Variants in SPIDR observed in about 807,000 individuals in gnomAD.
SPIDR encodes the protein DNA repair-scaffolding protein.
Under a neutral mutation model 104.6 loss-of-function variants are expected in SPIDR, and 93 were observed. The ratio of observed to expected loss-of-function variants is 0.89; its 90% CI spans 0.75 to 1.06. The LOEUF is 1.06. SPIDR is among the 50% of genes least tolerant of loss of function. SPIDR has a pLI of 0.00. For missense variants in SPIDR, 1,154 were observed against 1,111.2 expected (o/e 1.04, Z -0.55); for synonymous variants, 431 against 416.9 (o/e 1.03, Z -0.41).
At position 47,728,937 on chromosome 8, in the gene SPIDR, G is replaced by T. The variant is rs200240864; in HGVS notation, c.2440G>T (p.Ala814Ser). 6.2e-7 allele frequency: 1 copy of T among 1,608,946 alleles called. No homozygotes were observed. The highest frequency in any genetic ancestry group is 1.1e-5 in the South Asian group (1 of 90,724). The stretch of plus-strand genomic sequence containing the variant: ...CCTTGGCTTTTCATATACCAGAGGC[G>T]CCTTTTCCTGTGGGGACTGCTCCCG... ...RLEQRPEDRG[A>S]FSCGDCSRVV... Residue 814 changes from alanine (A) to serine (S), a missense_variant, in exon 18 of 20, where the codon GCC becomes TCC. Physicochemically the swap from Ala to Ser is moderately conservative, Grantham distance 99. Transcript: ENST00000297423.
chr8:47,493,017 GA>G (rs1386153659), intron 8 of SPIDR, among the ~76,000 whole-genome samples: 574 of 10,178 alleles, frequency 0.056, 4 homozygotes, highest in South Asian at 0.25. Flanking sequence ...TGAGCCATTG[GA>G]GAGAGAGAGA....
intron 11 of SPIDR, among the ~76,000 whole-genome samples, chr8:47,697,314 A>G (rs1234569578): frequency 6.6e-6 from 1 of 152,032 alleles, no homozygotes; most frequent in African/African-American, 2.4e-5. Flanking sequence ...AAAGATAAAA[A>G]CAACACTTAT....
intron 8 of SPIDR, among the ~76,000 whole-genome samples, chr8:47,496,942 T>C (rs1001908780): frequency 3.9e-5 from 6 of 152,096 alleles, no homozygotes; most frequent in Non-Finnish European, 7.4e-5. Flanking sequence ...TGTGCCTTTC[T>C]AGAAGTTTGT....
At chr8:47,352,636 G>A (rs2053756485) in intron 5 of SPIDR, among the ~76,000 whole-genome samples, 1 of 152,088 alleles carries the variant, frequency 6.6e-6, no homozygotes, top group South Asian at 2.1e-4. Flanking sequence ...AGTATGAGGT[G>A]GTTGTGAACT....
At chr8:47,367,397 C>G (rs981677049) in intron 5 of SPIDR, among the ~76,000 whole-genome samples, 1 of 152,210 alleles carries the variant, frequency 6.6e-6, no homozygotes, top group Admixed American at 6.5e-5. Context: ...TTGATTTCAT[C>G]TTTGTGACAC....
At chr8:47,287,886 G>A (rs1471503242) in intron 3 of SPIDR, among the ~76,000 whole-genome samples, 1 of 152,146 alleles carries the variant, frequency 6.6e-6, no homozygotes, top group African/African-American at 2.4e-5. Context: ...AGAGAGTAAA[G>A]ACAGGCATAA....
chr8:47,557,549 T>G (rs769868398), intron 8 of SPIDR, among the ~76,000 whole-genome samples: 4 of 152,192 alleles, frequency 2.6e-5, no homozygotes, highest in Non-Finnish European at 5.9e-5. Flanking sequence ...TTTCTTATTT[T>G]TAAAAAACAT....
chr8:47,642,010 G>A (rs1457310135), intron 10 of SPIDR, among the ~76,000 whole-genome samples: 1 of 152,188 alleles, frequency 6.6e-6, no homozygotes, highest in Non-Finnish European at 1.5e-5. Flanking sequence ...TCCAGCCAGA[G>A]TGGACTCTGC....
chr8:47,596,004 C>T lies in SPIDR; in HGVS notation c.1291C>T (p.Gln431Ter). 6.8e-6 allele frequency: 11 copies of T among 1,609,258 alleles called. No individual in the cohort carries two copies. Among genetic ancestry groups the T allele is most frequent in the Non-Finnish European group, 9.3e-6 (11 of 1,178,264 alleles). ...KGLTNNSPEIQVVCSGVATTG... is the reference protein window; with the variant it reads ...KGLTNNSPEI ...TCTAACAAATAATTCACCTGAAATC[C>T]AGGTAAACTCCTATTGGCCTAAAGG... Residue 431 changes from glutamine to a stop codon, truncating the protein, a stop_gained and splice_region_variant, in exon 9 of 20, where the codon CAG (glutamine) becomes TAG (stop). Coordinates refer to ENST00000297423, the MANE Select transcript of SPIDR (RefSeq NM_001080394.4). LOFTEE classifies it high-confidence loss of function.
At chr8:47,595,663 C>A in intron 8 of SPIDR, 148 bp from the exon 9 acceptor site, 1 of 679,250 alleles carries the variant, frequency 1.5e-6, no homozygotes, top group Non-Finnish European at 2.5e-6. Context: ...CATGCTGGAG[C>A]ATGAAGGACA....
At chr8:47,700,324 A>T in intron 11 of SPIDR, 79 bp from the exon 12 acceptor site, 1 of 1,417,090 alleles carries the variant, frequency 7.1e-7, no homozygotes, top group Non-Finnish European at 1.0e-6. Flanking sequence ...AGAGTCTGTT[A>T]AGCATTCTAC....
chr8:47,628,165 C>T (rs1321233347), intron 10 of SPIDR, among the ~76,000 whole-genome samples: 2 of 152,212 alleles, frequency 1.3e-5, no homozygotes, highest in African/African-American at 4.8e-5. Context: ...CATCCTTCCA[C>T]AGAACATGCT....
intron 8 of SPIDR, among the ~76,000 whole-genome samples, chr8:47,529,502 C>T (rs1587236222): frequency 6.6e-6 from 1 of 151,922 alleles, no homozygotes; most frequent in East Asian, 1.9e-4. Context: ...GCAAAAATAT[C>T]CTTCAATGGT....
intron 1 of SPIDR, among the ~76,000 whole-genome samples, chr8:47,277,531 AT>A (rs1352583975): frequency 1.4e-3 from 197 of 139,830 alleles, no homozygotes; most frequent in Middle Eastern, 3.6e-3. Flanking sequence ...ACCCCTGCTA[AT>A]TTTTTTTTTT....
At chr8:47,573,901 T>G (rs2058794430) in intron 8 of SPIDR, among the ~76,000 whole-genome samples, 1 of 152,220 alleles carries the variant, frequency 6.6e-6, no homozygotes, top group African/African-American at 2.4e-5. Flanking sequence ...TGCCCTAATT[T>G]CTTTGTTTGT....
chr8:47,511,182 G>C, intron 8 of SPIDR: 4 of 1,566,038 alleles, frequency 2.6e-6, no homozygotes, highest in Non-Finnish European at 3.5e-6. Context: ...TGAAGAGTTG[G>C]ATGTTGCTGA....
intron 8 of SPIDR, among the ~76,000 whole-genome samples, chr8:47,531,181 T>C (rs1476632582): frequency 1.3e-5 from 2 of 152,236 alleles, no homozygotes; most frequent in Non-Finnish European, 2.9e-5. Flanking sequence ...CGTGAGTCAC[T>C]GTACCCAACC....
intron 8 of SPIDR, among the ~76,000 whole-genome samples, chr8:47,582,206 G>C (rs1468584723): frequency 7.3e-6 from 1 of 136,092 alleles, no homozygotes; most frequent in South Asian, 2.6e-4. Flanking sequence ...GGTGACAAGA[G>C]TGGGACTCCA....
At chr8:47,722,334 C>A (rs2083520119) in intron 16 of SPIDR, among the ~76,000 whole-genome samples, 1 of 152,172 alleles carries the variant, frequency 6.6e-6, no homozygotes, top group Non-Finnish European at 1.5e-5. Flanking sequence ...TTTCTTCCTT[C>A]TCAATCTGTG....
Sources: allele counts gnomAD v4.1 joint callset (sites outside exome capture counted in the v4.1 genomes callset), GRCh38; gene constraint gnomAD v4.1.1; transcripts MANE v1.5; gene names NCBI Gene and HGNC (gene_info 2026-07-23, HGNC 2026-07-21).